The following ATP11B variants were observed in gnomAD, a reference collection of about 807,000 sequenced individuals.
ATP11B encodes ATPase phospholipid transporting 11B (putative).
Under a neutral mutation model 157.8 loss-of-function variants are expected in ATP11B, and 81 were observed. The observed-to-expected ratio is 0.51, with a 90% CI of 0.43 to 0.62. The LOEUF (loss-of-function observed/expected upper bound fraction) is 0.62, where lower values mean the gene tolerates loss of function less well. ATP11B is among the 20% of genes least tolerant of loss of function. The pLI, the probability that ATP11B is intolerant of heterozygous loss-of-function variation, is 0.00. For missense variants in ATP11B, 1,165 were observed against 1,402.2 expected (o/e 0.83, Z 2.70); for synonymous variants, 451 against 469.4 (o/e 0.96, Z 0.51).
At chr3:182,854,697 A>G (rs534684750) in intron 10 of ATP11B, among the ~76,000 whole-genome samples, 1 of 152,204 alleles carries the variant, frequency 6.6e-6, no homozygotes, top group African/African-American at 2.4e-5. Context: ...TTTGCAAAAC[A>G]TGTATCTGAC....
At chr3:182,841,943 C>T in intron 7 of ATP11B, 132 bp from the exon 8 acceptor site, 4 of 527,634 alleles carry the variant, frequency 7.6e-6, no homozygotes, top group Non-Finnish European at 1.3e-5. Context: ...CGCACCACTG[C>T]ACTCCAGCCT....
rs562594020 is a variant in ATP11B at position 182,872,335 on chromosome 3, ATTT to A, written c.1867-18_1867-16del. 3 of 1,473,990 alleles carry A rather than the reference ATTT, an allele frequency of 2.0e-6. No homozygotes were observed. The highest frequency in any genetic ancestry group is 2.7e-6 in the Non-Finnish European group (3 of 1,099,668). The allele number at this position is 1,473,990 out of a possible 1,614,324, so 91.3% of individuals were successfully genotyped here. A position where few individuals can be genotyped will look rare whatever the true frequency, so the allele number is the denominator to read the frequency against. On this transcript the variant is annotated intron_variant, in intron 17 of 29. Transcript: ENST00000323116. ...TGTTTGTGTTCAATTTTTGTCTTTA[ATTT>A]TTATTTGTTTGTTTTAGAAAGGGCT...
At chr3:182,793,922 G>T (rs1341140464) in intron 1 of ATP11B, 136 bp downstream of exon 1, 1 of 459,676 alleles carries the variant, frequency 2.2e-6, no homozygotes, top group Admixed American at 4.8e-5. Context: ...GCGGAGACGG[G>T]CGCGGGGCCC....
intron 2 of ATP11B, among the ~76,000 whole-genome samples, chr3:182,823,608 G>T (rs1341622938): frequency 6.6e-6 from 1 of 151,994 alleles, no homozygotes; most frequent in Non-Finnish European, 1.5e-5. Context: ...GCTCTTTTTT[G>T]GTTCCATATG....
intron 28 of ATP11B, among the ~76,000 whole-genome samples, chr3:182,912,552 T>A (rs750684962): frequency 5.9e-5 from 9 of 151,960 alleles, no homozygotes; most frequent in African/African-American, 2.2e-4. Flanking sequence ...AAAGAACAAG[T>A]CAAGTTTGGC....
intron 28 of ATP11B, among the ~76,000 whole-genome samples, chr3:182,907,446 C>A (rs948643709): frequency 5.9e-5 from 9 of 152,254 alleles, no homozygotes; most frequent in Admixed American, 4.6e-4. Context: ...CTATAAGATA[C>A]AGTTTTAAAT....
At chr3:182,863,650 G>A (rs189205986) in intron 12 of ATP11B, among the ~76,000 whole-genome samples, 6 of 151,794 alleles carry the variant, frequency 4.0e-5, no homozygotes, top group Non-Finnish European at 2.9e-5. Context: ...CTCTTAGGAA[G>A]GTTTACAGTG....
chr3:182,858,641 C>G (rs1242941984), intron 11 of ATP11B, among the ~76,000 whole-genome samples: 1 of 152,110 alleles, frequency 6.6e-6, no homozygotes, highest in Non-Finnish European at 1.5e-5. Flanking sequence ...GGTACATTTC[C>G]TTTCACCAAT....
intron 28 of ATP11B, among the ~76,000 whole-genome samples, chr3:182,901,907 T>G (rs1723995908): frequency 6.6e-6 from 1 of 152,188 alleles, no homozygotes; most frequent in African/African-American, 2.4e-5. Flanking sequence ...GCTAGTATAG[T>G]CTTCCTTCTT....
chr3:182,848,679 T>G, intron 10 of ATP11B, 122 bp downstream of exon 10: 1 of 371,676 alleles, frequency 2.7e-6, no homozygotes, highest in Non-Finnish European at 4.3e-6. Flanking sequence ...TTGGGGACAG[T>G]GATAGTTTCT....
intron 1 of ATP11B, among the ~76,000 whole-genome samples, chr3:182,811,642 C>T (rs1476228192): frequency 2.0e-5 from 3 of 152,028 alleles, no homozygotes; most frequent in Admixed American, 1.3e-4. Context: ...AGCAACCAAT[C>T]GGAAAATAAT....
In ATP11B at chr3:182,920,272, A is replaced by AAAG. The variant is rs1725384659; in HGVS notation, c.*2169_*2171dup. ...TAAGGAGAACTTTATTTTTTTAAAA[A>AAAG]AAGTAAATGGCAACCACTAGTGTGC... On this transcript the variant is annotated 3_prime_UTR_variant, in exon 30 of 30. Transcript: ENST00000323116. 2 of 152,226 alleles carry AAAG rather than the reference A, an allele frequency of 1.3e-5. No individual in the cohort carries two copies. Among genetic ancestry groups the AAAG allele is most frequent in the African/African-American group, 4.8e-5 (2 of 41,464 alleles). 9.4% of individuals were successfully genotyped at this position (152,226 alleles called of 1,614,324 possible).
At chr3:182,811,512 C>G (rs1430587322) in intron 1 of ATP11B, among the ~76,000 whole-genome samples, 1 of 152,164 alleles carries the variant, frequency 6.6e-6, no homozygotes, top group Non-Finnish European at 1.5e-5. Context: ...AACCTTATTT[C>G]TGAAAAGTTC....
rs11402392 is a variant in ATP11B, at chr3:182,894,963, C to CAA, written c.2983-1725_2983-1724dup. On this transcript the variant is annotated intron_variant, in intron 25 of 29. Coordinates refer to ENST00000323116, the MANE Select transcript of ATP11B (RefSeq NM_014616.3). ...TGAAAGCCCATCTCTGTAAAAAATA[C>CAA]AAAAAAAAAAAAATTAGCTAAGTGT... 1.3e-3 allele frequency among the ~76,000 whole-genome samples: 184 copies of CAA among 141,212 alleles called. 2 individuals are homozygous for CAA. The highest frequency in any genetic ancestry group is 3.4e-3 in the South Asian group (15 of 4,406). 92.6% of individuals were successfully genotyped at this position (141,212 alleles called of 152,430 possible).
intron 21 of ATP11B, among the ~76,000 whole-genome samples, 178 bp from the exon 22 acceptor site, chr3:182,884,575 C>T (rs940800605): frequency 1.2e-4 from 18 of 151,976 alleles, no homozygotes; most frequent in African/African-American, 4.3e-4. Context: ...AATATCGTAG[C>T]CTTATATTAA....
rs990203330 is a variant in ATP11B at position 182,901,352 on chromosome 3, A to C, written c.3318+2580A>C. On this transcript the variant is annotated intron_variant, in intron 28 of 29. Coordinates refer to ENST00000323116, the MANE Select transcript of ATP11B (RefSeq NM_014616.3). ...AGACTCCGTCTCACAAAAAAAAAAA[A>C]ACAAAAAAAAAACCTTAATTCTTTA... Among the ~76,000 whole-genome samples the C allele has an allele frequency of 6.0e-5, 9 of 151,200 alleles. No homozygotes were observed. In the South Asian group the frequency reaches 1.5e-3, roughly 24 times the overall value.
intron 10 of ATP11B, 63 bp downstream of exon 10, chr3:182,848,620 T>A: frequency 1.4e-6 from 1 of 690,196 alleles, no homozygotes; most frequent in Non-Finnish European, 2.1e-6. Context: ...ATTCGTTTGG[T>A]ATAAAATATT....
chr3:182,842,193 A>G (rs1175753601), intron 8 of ATP11B, 71 bp downstream of exon 8: 32 of 1,072,036 alleles, frequency 3.0e-5, no homozygotes, highest in Non-Finnish European at 4.2e-5. Context: ...AGAAGTTCCA[A>G]AGGGAGATTA....
chr3:182,895,283 A>G (rs574928148), intron 25 of ATP11B, among the ~76,000 whole-genome samples: 1 of 152,254 alleles, frequency 6.6e-6, no homozygotes, highest in Admixed American at 6.5e-5. Context: ...CAGGTTCAGT[A>G]TGACTTTTGA....
Sources: allele counts gnomAD v4.1 joint callset (sites outside exome capture counted in the v4.1 genomes callset), GRCh38; gene constraint gnomAD v4.1.1; transcripts MANE v1.5; gene names NCBI Gene and HGNC (gene_info 2026-07-23, HGNC 2026-07-21).